Variants in OSBPL3 observed in about 807,000 individuals in gnomAD.
The protein encoded by OSBPL3 is oxysterol binding protein like 3.
OSBPL3 carries 65 observed loss-of-function variants against 120.1 expected under a neutral mutation model. The ratio of observed to expected loss-of-function variants is 0.54; its 90% CI spans 0.44 to 0.67. The LOEUF is 0.67. Among genes scored for constraint, OSBPL3 ranks in the 30% least tolerant of loss-of-function variants. OSBPL3 has a pLI of 0.00. For missense variants in OSBPL3, 1,004 were observed against 1,082.1 expected (o/e 0.93, Z 1.01); for synonymous variants, 416 against 402.6 (o/e 1.03, Z -0.40).
In OSBPL3 at chr7:24,932,714, C is replaced by T. The variant is rs193280439; in HGVS notation, c.-149-40093G>A. Among the ~76,000 whole-genome samples the T allele has an allele frequency of 3.3e-5, 5 of 152,136 alleles. No individual in the cohort carries two copies. The highest frequency in any genetic ancestry group is 4.4e-5 in the Non-Finnish European group (3 of 68,030). ...TTGCATTTTCCAGCCTCCAGAACTA[C>T]GAGAAGTAAATTTCTGATGTTTATA... On this transcript the variant is annotated intron_variant, in intron 1 of 22. Transcript: ENST00000313367. The surrounding 1 kb of genome is among the most constrained non-coding windows in gnomAD (Gnocchi z 5.6).
chr7:24,943,988 C>A (rs1401220991), intron 1 of OSBPL3, among the ~76,000 whole-genome samples: 1 of 149,028 alleles, frequency 6.7e-6, no homozygotes, highest in Non-Finnish European at 1.5e-5. Flanking sequence ...GTCTTCCTGG[C>A]ATGGACAGGA....
At chr7:24,976,904 T>C (rs1307801544) in intron 1 of OSBPL3, among the ~76,000 whole-genome samples, 1 of 152,180 alleles carries the variant, frequency 6.6e-6, no homozygotes, top group Admixed American at 6.5e-5. Context: ...ACTAATTCCT[T>C]CCCCATCCTC....
Position 24,873,953 on chromosome 7 carries a change from TATG to T in OSBPL3, c.97-1887_97-1885del, listed in dbSNP as rs765627106. On this transcript the variant is annotated intron_variant, in intron 2 of 22. Coordinates refer to ENST00000313367, the MANE Select transcript of OSBPL3 (RefSeq NM_015550.4). This position sits in a 1 kb window ranked among gnomAD's most constrained non-coding sequence, Gnocchi z 4.1. Reference sequence around the variant, plus strand: ...CTTTTCTGGAGGTTCACCACTTACTTATGATAACATGTACATGCGGTTTTATCA... The same window carrying T: ...CTTTTCTGGAGGTTCACCACTTACTTATAACATGTACATGCGGTTTTATCA... Among the ~76,000 whole-genome samples, 1 of 152,210 alleles carries T rather than the reference TATG, an allele frequency of 6.6e-6. No homozygotes were observed. The highest frequency in any genetic ancestry group is 1.5e-5 in the Non-Finnish European group (1 of 68,038).
rs1221757798 is a variant in OSBPL3 at position 24,933,901 on chromosome 7, A to G, written c.-149-41280T>C. 1.3e-5 allele frequency among the ~76,000 whole-genome samples: 2 copies of G among 152,236 alleles called. No individual in the cohort carries two copies. The highest frequency in any genetic ancestry group is 2.1e-4 in the South Asian group (1 of 4,830). ...GCATAAATAGAGTAAAACAACAAATACTAAGATTTGTTGGCATTAAATCAG... is the reference window on the plus strand; with the variant it reads ...GCATAAATAGAGTAAAACAACAAATGCTAAGATTTGTTGGCATTAAATCAG... On this transcript the variant is annotated intron_variant, in intron 1 of 22. Transcript: ENST00000313367. This position sits in a 1 kb window ranked among gnomAD's most constrained non-coding sequence, Gnocchi z 5.1.
Position 24,939,804 on chromosome 7 carries a change from A to G in OSBPL3, c.-150+40082T>C, listed in dbSNP as rs1421668952. On this transcript the variant is annotated intron_variant, in intron 1 of 22. Transcript: ENST00000313367. This position sits in a 1 kb window ranked among gnomAD's most constrained non-coding sequence, Gnocchi z 4.2. ...GTTCAGTCACTGAGAAGGGGGAAAA[A>G]ATCAGTAACAGGGGGCTATAACTAA... is the stretch of plus-strand genomic sequence containing the variant. Among the ~76,000 whole-genome samples, 2 of 152,132 alleles carry G rather than the reference A, an allele frequency of 1.3e-5. No individual in the cohort carries two copies. Among genetic ancestry groups the G allele is most frequent in the Admixed American group, 1.3e-4 (2 of 15,278 alleles).
Position 24,820,241 on chromosome 7 carries a change from G to A in OSBPL3, c.1885-3C>T, listed in dbSNP as rs761892842. The A allele has an allele frequency of 1.9e-6, 3 of 1,609,944 alleles. No homozygotes were observed. In the East Asian group the frequency reaches 6.7e-5, roughly 36 times the overall value. On this transcript the variant is annotated splice_region_variant and splice_polypyrimidine_tract_variant and intron_variant, in intron 16 of 22. Transcript: ENST00000313367. This position sits in a 1 kb window ranked among gnomAD's most constrained non-coding sequence, Gnocchi z 4.6. ...GAGATAGGCGGATGGTGGCTGACCTGATGGAAACAAAGGACAGAAAAACAA... is the reference window on the plus strand; with the variant it reads ...GAGATAGGCGGATGGTGGCTGACCTAATGGAAACAAAGGACAGAAAAACAA...
In OSBPL3 at chr7:24,965,254, G is replaced by C. The variant is rs1816237973; in HGVS notation, c.-150+14632C>G. ...AAGGAAAAAAGACAATGTAGAAGGA[G>C]CAATAAATCTACAGTAAGAAAATCT... On this transcript the variant is annotated intron_variant, in intron 1 of 22. Transcript: ENST00000313367. The surrounding 1 kb of genome is among the most constrained non-coding windows in gnomAD (Gnocchi z 4.3). 6.6e-6 allele frequency among the ~76,000 whole-genome samples: 1 copy of C among 152,126 alleles called. No homozygotes were observed. The highest frequency in any genetic ancestry group is 1.5e-5 in the Non-Finnish European group (1 of 68,018).
At chr7:24,902,333 C>G (rs1807147846) in intron 1 of OSBPL3, among the ~76,000 whole-genome samples, 1 of 152,160 alleles carries the variant, frequency 6.6e-6, no homozygotes, top group Admixed American at 6.5e-5. Flanking sequence ...ATATACCCAC[C>G]ATTTTTCTGG....
chr7:24,804,344 A>T lies in OSBPL3; in HGVS notation c.2538T>A (p.Asn846Lys), dbSNP rs754008122. Residue 846 changes from asparagine to lysine, a missense_variant, in exon 22 of 23, where the codon AAT (asparagine) becomes AAA (lysine). Physicochemically the swap from Asn to Lys is moderately conservative, Grantham distance 94. Coordinates refer to ENST00000313367, the MANE Select transcript of OSBPL3 (RefSeq NM_015550.4). This position sits in a 1 kb window ranked among gnomAD's most constrained non-coding sequence, Gnocchi z 5.4. ...QRERRRVLEE[N>K]HVEHQPRFFR... The stretch of plus-strand genomic sequence containing the variant: ...AAAACCGAGGCTGGTGCTCCACATG[A>T]TTTTCTTCTAAGACCCGCCGCCTTT... The T allele has an allele frequency of 3.7e-6, 6 of 1,613,908 alleles. No individual in the cohort carries two copies. Among genetic ancestry groups the T allele is most frequent in the Non-Finnish European group, 4.2e-6 (5 of 1,179,984 alleles).
At position 24,800,201 on chromosome 7, in the gene OSBPL3, G is replaced by A. The variant is rs1792124324; in HGVS notation, c.2646C>T (p.Asp882=). 6.3e-7 allele frequency: 1 copy of A among 1,596,934 alleles called. No homozygotes were observed. Residue 882 remains aspartate (D), a synonymous_variant, in exon 23 of 23, where the codon GAC becomes GAT. Transcript: ENST00000313367. ...TACTTTTTCACCATAAGACAGGATG[G>A]TCCAGTTTGGAAAAACCAAGATCTT... ...LRKDLGFSKL[D]HPVLW
intron 19 of OSBPL3, among the ~76,000 whole-genome samples, chr7:24,811,230 G>A (rs1023277352): frequency 2.0e-5 from 3 of 152,154 alleles, no homozygotes; most frequent in Admixed American, 2.0e-4. Context: ...GATATGAGGT[G>A]ATATCTCATT....
intron 1 of OSBPL3, among the ~76,000 whole-genome samples, chr7:24,919,185 A>G (rs541749882): frequency 1.3e-5 from 2 of 151,708 alleles, no homozygotes; most frequent in African/African-American, 4.8e-5. Context: ...GTGTGGGAGA[A>G]GGACAGACAT....
In OSBPL3 at chr7:24,892,419, T is replaced by C. The variant is rs1805498022; in HGVS notation, c.54A>G (p.Ser18=). 6.2e-7 allele frequency: 1 copy of C among 1,613,786 alleles called. No homozygotes were observed. Among genetic ancestry groups the C allele is most frequent in the Non-Finnish European group, 8.5e-7 (1 of 1,179,838 alleles). ...LGVSQKLVSP[S]RSTSSCSSKQ... ...TGGAAGAGCAGCTACTTGTGCTCCT[T>C]GAAGGTGATACCAATTTTTGGGACA... The change falls in exon 2 of 23, where the codon TCA becomes TCG. Residue 18 remains serine, a synonymous_variant. Transcript: ENST00000313367.
At position 24,881,536 on chromosome 7, in the gene OSBPL3, A is replaced by G. The variant is rs1418954454; in HGVS notation, c.97-9467T>C. On this transcript the variant is annotated intron_variant, in intron 2 of 22. Transcript: ENST00000313367. This position sits in a 1 kb window ranked among gnomAD's most constrained non-coding sequence, Gnocchi z 4.3. ...TAATAAAAGGGATACCACAAGGTTGAAAATTTGTAAATTGTCAAATGGGAG... is the reference window on the plus strand; with the variant it reads ...TAATAAAAGGGATACCACAAGGTTGGAAATTTGTAAATTGTCAAATGGGAG... 2.6e-5 allele frequency among the ~76,000 whole-genome samples: 4 copies of G among 152,236 alleles called. No homozygotes were observed. The highest frequency in any genetic ancestry group is 5.9e-5 in the Non-Finnish European group (4 of 68,038).
Position 24,815,624 on chromosome 7 carries a change from A to C in OSBPL3, c.2028-421T>G, listed in dbSNP as rs1794374745. ...ATTGCCTGCATCCTTTGTGATGAGA[A>C]AGTATTCAGATATTACTTATGGAAT... On this transcript the variant is annotated intron_variant, in intron 18 of 22. Transcript: ENST00000313367. The surrounding 1 kb of genome is among the most constrained non-coding windows in gnomAD (Gnocchi z 5.1). Among the ~76,000 whole-genome samples the C allele has an allele frequency of 6.6e-6, 1 of 152,256 alleles. No homozygotes were observed. Among genetic ancestry groups the C allele is most frequent in the South Asian group, 2.1e-4 (1 of 4,832 alleles).
At chr7:24,837,203 A>G (rs546970154) in intron 14 of OSBPL3, among the ~76,000 whole-genome samples, 1 of 152,240 alleles carries the variant, frequency 6.6e-6, no homozygotes, top group East Asian at 1.9e-4. Flanking sequence ...TTTAAAATTA[A>G]TTAATTAAAT....
In OSBPL3 at chr7:24,913,980, T is replaced by C. The variant is rs1809201918; in HGVS notation, c.-149-21359A>G. Among the ~76,000 whole-genome samples, 1 of 152,124 alleles carries C rather than the reference T, an allele frequency of 6.6e-6. No homozygotes were observed. Among genetic ancestry groups the C allele is most frequent in the Non-Finnish European group, 1.5e-5 (1 of 68,014 alleles). On this transcript the variant is annotated intron_variant, in intron 1 of 22. Transcript: ENST00000313367. This position sits in a 1 kb window ranked among gnomAD's most constrained non-coding sequence, Gnocchi z 5.3. ...AAAATCGCAAGCACCATTCAATCCT[T>C]TGGTAAGAACATGCAGACTCTTGGG...
intron 5 of OSBPL3, among the ~76,000 whole-genome samples, chr7:24,866,787 C>T (rs1048721204): frequency 6.6e-6 from 1 of 152,166 alleles, no homozygotes; most frequent in African/African-American, 2.4e-5. Flanking sequence ...TTTTGGCTTT[C>T]TATGAGTAAG....
At chr7:24,973,212 C>A (rs2128543597) in intron 1 of OSBPL3, among the ~76,000 whole-genome samples, 1 of 152,260 alleles carries the variant, frequency 6.6e-6, no homozygotes, top group South Asian at 2.1e-4. Context: ...GATTGTTCAT[C>A]CAGCCCACAC....
Sources: allele counts gnomAD v4.1 joint callset (sites outside exome capture counted in the v4.1 genomes callset), GRCh38; gene constraint gnomAD v4.1.1; non-coding constraint Gnocchi (gnomAD v3.1); transcripts MANE v1.5; gene names NCBI Gene and HGNC (gene_info 2026-07-23, HGNC 2026-07-21).